Variants in SOD2 observed in about 807,000 individuals in gnomAD.
SOD2 encodes the protein superoxide dismutase 2.
Under a neutral mutation model 27.0 loss-of-function variants are expected in SOD2, and 11 were observed. That is an observed-to-expected ratio of 0.41 (90% CI 0.26 to 0.67). The LOEUF (loss-of-function observed/expected upper bound fraction) is 0.67, where lower values mean the gene tolerates loss of function less well. Among genes scored for constraint, SOD2 ranks in the 30% least tolerant of loss-of-function variants. SOD2 has a pLI of 0.34. For missense variants in SOD2, 250 were observed against 274.5 expected (o/e 0.91, Z 0.63); for synonymous variants, 105 against 103.0 (o/e 1.02, Z -0.12).
chr6:159,704,346 C>T (rs1031563193), intron 1 of SOD2, among the ~76,000 whole-genome samples: 11 of 152,170 alleles, frequency 7.2e-5, no homozygotes, highest in African/African-American at 2.2e-4. Context: ...ACCTGGGAAG[C>T]GCAAGGGATC....
chr6:159,706,210 T>C (rs1274428971), intron 1 of SOD2, among the ~76,000 whole-genome samples: 1 of 152,220 alleles, frequency 6.6e-6, no homozygotes, highest in African/African-American at 2.4e-5. Context: ...CTGCATCAAC[T>C]AATGAGCAAA....
intron 1 of SOD2, 46 bp from the exon 2 acceptor site, chr6:159,692,909 G>C (rs1406491858): frequency 2.7e-6 from 4 of 1,492,616 alleles, no homozygotes; most frequent in Admixed American, 2.1e-5. Flanking sequence ...CCGCGGGACC[G>C]TCTACGCAGG....
chr6:159,727,617 G>A, upstream of SOD2: 1 of 986,290 alleles, frequency 1.0e-6, no homozygotes, highest in South Asian at 4.6e-5. Context: ...CGGCTGCGCG[G>A]TGGCCCGGGG....
intron 1 of SOD2, among the ~76,000 whole-genome samples, chr6:159,741,362 G>A (rs1779244835): frequency 6.6e-6 from 1 of 152,180 alleles, no homozygotes; most frequent in South Asian, 2.1e-4. Context: ...GTGTTTACAG[G>A]CAGAAATTGA....
At chr6:159,726,420 T>C (rs1778171924) in intron 1 of SOD2, 1 of 172,986 alleles carries the variant, frequency 5.8e-6, no homozygotes, top group South Asian at 9.5e-5. Context: ...TGTACTTTAA[T>C]CTTATCCTAA....
In SOD2 at chr6:159,684,969, C is replaced by T. The variant is rs374265959; in HGVS notation, c.408G>A (p.Thr136=). 3.3e-5 allele frequency: 53 copies of T among 1,613,228 alleles called. No homozygotes were observed. In the East Asian group the frequency reaches 9.1e-4, roughly 28 times the overall value. The change falls in exon 4 of 5, where the codon ACG becomes ACA. Residue 136 remains threonine (T), a synonymous_variant. Coordinates refer to ENST00000538183, the MANE Select transcript of SOD2 (RefSeq NM_000636.4). ...GSFDKFKEKL[T]AASVGVQGSG... is the part of the protein sequence containing the mutation. ...AGCCTTGGACACCAACAGATGCAGC[C>T]GTCAGCTTCTCCTTAAACTTGTCAA...
rs1779614732 is a variant in SOD2 at position 159,669,700 on chromosome 6, T to C, written c.*12793A>G. 6.6e-6 allele frequency: 1 copy of C among 152,228 alleles called. No homozygotes were observed. Among genetic ancestry groups the C allele is most frequent in the South Asian group, 2.1e-4 (1 of 4,828 alleles). 9.4% of individuals were successfully genotyped at this position (152,228 alleles called of 1,614,324 possible). A position where few individuals can be genotyped will look rare whatever the true frequency, so the allele number is the denominator to read the frequency against. Reference sequence around the variant, plus strand: ...TATCTTGCATGAATTGATCCTTGTTTCATTACATAATGACTTTTCTTTTTA... The same window carrying C: ...TATCTTGCATGAATTGATCCTTGTTCCATTACATAATGACTTTTCTTTTTA... On this transcript the variant is annotated 3_prime_UTR_variant, in exon 5 of 5. Coordinates refer to ENST00000538183, the MANE Select transcript of SOD2 (RefSeq NM_000636.4).
At position 159,674,110 on chromosome 6, in the gene SOD2, T is replaced by C. The variant is rs1779726271; in HGVS notation, c.*8383A>G. On this transcript the variant is annotated 3_prime_UTR_variant, in exon 5 of 5. Coordinates refer to ENST00000538183, the MANE Select transcript of SOD2 (RefSeq NM_000636.4). ...GAAATTGAGGCAATAATTAATAGCC[T>C]ACCAACCAAAAAAAGTCCAGGACAA... is the stretch of plus-strand genomic sequence containing the variant. 6.6e-6 allele frequency: 1 copy of C among 152,256 alleles called. No individual in the cohort carries two copies. The highest frequency in any genetic ancestry group is 2.4e-5 in the African/African-American group (1 of 41,532). 9.4% of individuals were successfully genotyped at this position (152,256 alleles called of 1,614,324 possible).
intron 1 of SOD2, chr6:159,726,315 T>C (rs76325669): frequency 0.013 from 1,964 of 154,418 alleles, 19 homozygotes; most frequent in Middle Eastern, 0.075. Context: ...TTTGCACTTT[T>C]TGTTTTCAAT....
chr6:159,735,748 C>CA (rs111751177), intron 1 of SOD2, among the ~76,000 whole-genome samples: 1 of 150,422 alleles, frequency 6.6e-6, no homozygotes, highest in South Asian at 2.1e-4. Flanking sequence ...GACTGTGTCT[C>CA]AAAAAAAATA....
At chr6:159,706,187 T>C (rs983774679) in intron 1 of SOD2, among the ~76,000 whole-genome samples, 30 of 152,164 alleles carry the variant, frequency 2.0e-4, no homozygotes, top group African/African-American at 6.0e-4. Flanking sequence ...AGACCATCGA[T>C]GCCAGGAAGA....
chr6:159,724,584 G>A (rs868233708), intron 1 of SOD2, among the ~76,000 whole-genome samples: 1 of 152,104 alleles, frequency 6.6e-6, no homozygotes, highest in Non-Finnish European at 1.5e-5. Context: ...GTGGGGCGAG[G>A]GACGGTGGCT....
chr6:159,684,058 T>C (rs1780075060), intron 4 of SOD2, among the ~76,000 whole-genome samples: 1 of 152,132 alleles, frequency 6.6e-6, no homozygotes, highest in African/African-American at 2.4e-5. Flanking sequence ...AAGTATTTGG[T>C]GAGCCCAGCC....
chr6:159,731,324 T>C (rs1178398340), upstream of SOD2, among the ~76,000 whole-genome samples: 1 of 150,626 alleles, frequency 6.6e-6, no homozygotes, highest in Non-Finnish European at 1.5e-5. Context: ...ACAAATTAGC[T>C]GGGCGTGGTG....
At chr6:159,711,636 A>C (rs1461595411) in intron 1 of SOD2, among the ~76,000 whole-genome samples, 1 of 104,394 alleles carries the variant, frequency 9.6e-6, no homozygotes, top group African/African-American at 3.5e-5. Flanking sequence ...TCTGACCACC[A>C]TAACCACCTC....
intron 2 of SOD2, chr6:159,691,607 A>G (rs1426634036): frequency 6.6e-6 from 1 of 152,204 alleles, no homozygotes; most frequent in East Asian, 1.9e-4. Context: ...TAACGAATAA[A>G]TTAAAAAGAC....
intron 1 of SOD2, among the ~76,000 whole-genome samples, chr6:159,740,295 T>A (rs1331859145): frequency 1.3e-5 from 2 of 152,228 alleles, no homozygotes; most frequent in Non-Finnish European, 2.9e-5. Flanking sequence ...AGAAATGTTT[T>A]ATTTTAAGAT....
upstream of SOD2, chr6:159,748,113 G>A (rs1779685099): frequency 2.0e-6 from 3 of 1,513,374 alleles, no homozygotes; most frequent in Admixed American, 6.0e-5. This position sits in a 1 kb window ranked among gnomAD's most constrained non-coding sequence, Gnocchi z 5.6. Flanking sequence ...TAAATCAAGT[G>A]AATGGAGGGA....
At chr6:159,714,773 T>C (rs1209844825) in intron 1 of SOD2, among the ~76,000 whole-genome samples, 1 of 152,186 alleles carries the variant, frequency 6.6e-6, no homozygotes, top group Non-Finnish European at 1.5e-5. Context: ...TTCTTCTCTG[T>C]TGTCTGGCTG....
Sources: gnomAD v4.1 joint callset for allele counts (sites outside exome capture counted in the v4.1 genomes callset) on GRCh38, gnomAD v4.1.1 for gene constraint, Gnocchi (gnomAD v3.1) non-coding constraint, MANE v1.5 for transcripts, NCBI Gene and HGNC (gene_info 2026-07-23, HGNC 2026-07-21) for gene names.